FN1: variants seen among roughly 807,000 people sequenced by gnomAD.
FN1 encodes fibronectin 1.
Under a neutral mutation model 297.3 loss-of-function variants are expected in FN1, and 106 were observed. That is an observed-to-expected ratio of 0.36 (90% confidence interval 0.30 to 0.42). FN1 has a LOEUF of 0.42. FN1 is among the 10% of genes least tolerant of loss of function. The pLI, the probability that FN1 is intolerant of heterozygous loss-of-function variation, is 1.00. For missense variants in FN1, 2,690 were observed against 3,124.9 expected (o/e 0.86, Z 3.32); for synonymous variants, 1,149 against 1,152.6 (o/e 1.00, Z 0.06).
At position 215,431,866 on chromosome 2, in the gene FN1, T is replaced by C. The variant is rs187465805; in HGVS notation, c.514A>G (p.Asn172Asp). Residue 172 changes from asparagine to aspartate, a missense_variant, in exon 4 of 46, where the codon AAT becomes GAT. Transcript: ENST00000354785. The stretch of plus-strand genomic sequence containing the variant: ...TTGCAGGTCCATTCTCCTTTTCCAT[T>C]ACCAAGACACACACACTCTAACATG... ...GYMLECVCLG[N>D]GKGEWTCKPI... The C allele has an allele frequency of 9.4e-5, 152 of 1,614,182 alleles. 1 individual carries two copies. In the East Asian group the frequency reaches 3.4e-3, roughly 36 times the overall value.
At chr2:215,405,798 CAA>C (rs1241890007) in intron 19 of FN1, among the ~76,000 whole-genome samples, 1 of 151,986 alleles carries the variant, frequency 6.6e-6, no homozygotes, top group Non-Finnish European at 1.5e-5. Flanking sequence ...AAGGTCAAAA[CAA>C]AGAGTAAATA....
intron 38 of FN1, 127 bp from the exon 39 acceptor site, chr2:215,373,538 G>A (rs2056658434): frequency 1.3e-6 from 1 of 759,884 alleles, no homozygotes; most frequent in Non-Finnish European, 2.4e-6. Context: ...CCTCTTGAAG[G>A]TAAAATCGAC....
intron 3 of FN1, 53 bp from the exon 4 acceptor site, chr2:215,432,017 T>C: frequency 1.9e-6 from 3 of 1,612,948 alleles, no homozygotes; most frequent in Middle Eastern, 3.3e-4. Context: ...ATTTTTTTTT[T>C]TGGTCTCATA....
chr2:215,369,215 T>TA (rs58108373), intron 41 of FN1, among the ~76,000 whole-genome samples: 47,837 of 137,918 alleles, frequency 0.35, 8,637 homozygotes, highest in Non-Finnish European at 0.41. Flanking sequence ...ATGGAATCTT[T>TA]AAAAAAAAAA....
intron 10 of FN1, 139 bp from the exon 11 acceptor site, chr2:215,420,940 T>C: frequency 3.5e-6 from 3 of 859,662 alleles, no homozygotes; most frequent in East Asian, 2.7e-5. Flanking sequence ...TCTACAAGCA[T>C]AGAATAACAT....
intron 6 of FN1, 42 bp from the exon 7 acceptor site, chr2:215,425,327 A>T: frequency 6.3e-7 from 1 of 1,578,926 alleles, no homozygotes; most frequent in Non-Finnish European, 8.7e-7. Context: ...TGGGTGAGAG[A>T]AGACAATTCA....
In FN1 at chr2:215,372,951, T is replaced by A. The variant is rs575355267; in HGVS notation, c.6247+371A>T. 2.6e-5 allele frequency among the ~76,000 whole-genome samples: 4 copies of A among 152,118 alleles called. No individual in the cohort carries two copies. The East Asian group carries it at 7.7e-4, about 29-fold the overall frequency. The stretch of plus-strand genomic sequence containing the variant: ...TTAGCTCTAAGTTGTAGAAACCAAA[T>A]AAAGATAAATGTGAGAGGTTTCTCT... On this transcript the variant is annotated intron_variant, in intron 39 of 45. Transcript: ENST00000354785.
chr2:215,426,864 T>A (rs2065538960), intron 6 of FN1, among the ~76,000 whole-genome samples: 1 of 152,024 alleles, frequency 6.6e-6, no homozygotes, highest in South Asian at 2.1e-4. Flanking sequence ...TTTATAATTT[T>A]TTTTATTTTT....
At chr2:215,429,759 C>T (rs1391436104) in intron 5 of FN1, among the ~76,000 whole-genome samples, 1 of 152,198 alleles carries the variant, frequency 6.6e-6, no homozygotes, top group Admixed American at 6.5e-5. Flanking sequence ...TTCATATCTG[C>T]ACCCCTATAA....
At position 215,409,648 on chromosome 2, in the gene FN1, G is replaced by A; in HGVS notation, c.2214C>T (p.Val738=). ...VTEITASSFV[V]SWVSASDTVS... ...CGGTGTCGGAAGCTGAGACCCAGGAGACCACAAAGCTACTGGCTGTGATTT... is the reference window on the plus strand; with the variant it reads ...CGGTGTCGGAAGCTGAGACCCAGGAAACCACAAAGCTACTGGCTGTGATTT... Residue 738 remains valine (V), a synonymous_variant, in exon 15 of 46, where the codon GTC becomes GTT. Transcript: ENST00000354785. The A allele has an allele frequency of 6.2e-7, 1 of 1,614,032 alleles. No individual in the cohort carries two copies. The highest frequency in any genetic ancestry group is 8.5e-7 in the Non-Finnish European group (1 of 1,179,978).
In FN1 at chr2:215,385,250, A is replaced by G. The variant is rs1456932628; in HGVS notation, c.4613-274T>C. On this transcript the variant is annotated intron_variant, in intron 28 of 45. Transcript: ENST00000354785. The stretch of plus-strand genomic sequence containing the variant: ...AAATTTCAAAACTACAGAAAAGTTA[A>G]AAAAAAAAAAAAAAAAAAAAGTGAT... 1.4e-3 allele frequency among the ~76,000 whole-genome samples: 5 copies of G among 3,652 alleles called. No individual in the cohort carries two copies. The Admixed American group carries it at 0.016, about 12-fold the overall frequency. The allele number at this position is 3,652 out of a possible 152,430, so 2.4% of individuals were successfully genotyped here. A position where few individuals can be genotyped will look rare whatever the true frequency, so the allele number is the denominator to read the frequency against.
chr2:215,434,637 T>G, intron 2 of FN1, 59 bp downstream of exon 2: 2 of 1,599,974 alleles, frequency 1.3e-6, no homozygotes, highest in South Asian at 2.2e-5. Context: ...AATGCAAAGT[T>G]TAACAATTAC....
intron 15 of FN1, among the ~76,000 whole-genome samples, chr2:215,409,032 C>T (rs2062186745): frequency 6.6e-6 from 1 of 152,046 alleles, no homozygotes; most frequent in South Asian, 2.1e-4. Flanking sequence ...CAGTAAGAGT[C>T]AGGGTAGTGA....
chr2:215,369,240 A>G (rs914963612), intron 41 of FN1, among the ~76,000 whole-genome samples: 10 of 150,938 alleles, frequency 6.6e-5, no homozygotes, highest in Admixed American at 6.6e-5. Context: ...AAAATGACTT[A>G]GAAAAGCACA....
Position 215,372,226 on chromosome 2 carries a change from G to T in FN1, c.6397C>A (p.Gln2133Lys). The change falls in exon 40 of 46, where the codon CAG (glutamine) becomes AAG (lysine). Residue 2133 changes from glutamine (Q) to lysine (K), a missense_variant. Gln to Lys is a moderately conservative substitution (Grantham distance 53, BLOSUM62 1). Around this residue, in one of 3 missense-constraint regions of FN1, gnomAD observed 1,743 missense variants for 1,945.2 expected, o/e 0.90. Coordinates refer to ENST00000354785, the MANE Select transcript of FN1 (RefSeq NM_212482.4). ...ATTTGTTGCCCAACACTGGGTTGCTGACCAGAAGTGCCAGGAAGCTGAATA... is the reference window on the plus strand; with the variant it reads ...ATTTGTTGCCCAACACTGGGTTGCTTACCAGAAGTGCCAGGAAGCTGAATA... ...NGIQLPGTSG[Q>K]QPSVGQQMIF... is the part of the protein sequence containing the mutation. 1 of 1,614,194 alleles carries T rather than the reference G, an allele frequency of 6.2e-7. No homozygotes were observed. The highest frequency in any genetic ancestry group is 1.1e-5 in the South Asian group (1 of 91,078).
intron 34 of FN1, among the ~76,000 whole-genome samples, chr2:215,378,664 C>G (rs2057738157): frequency 6.6e-6 from 1 of 152,044 alleles, no homozygotes; most frequent in South Asian, 2.1e-4. Context: ...TGAAATTGGC[C>G]TTATGTTAAG....
chr2:215,384,665 T>G, intron 29 of FN1, 195 bp downstream of exon 29: 1 of 554,184 alleles, frequency 1.8e-6, no homozygotes, highest in Non-Finnish European at 3.3e-6. Context: ...AGTTGTAGTA[T>G]ATAAACAACT....
chr2:215,434,736 A>G lies in FN1; in HGVS notation c.237T>C (p.Tyr79=), dbSNP rs1000587975. 10 of 1,614,070 alleles carry G rather than the reference A, an allele frequency of 6.2e-6. No individual in the cohort carries two copies. The highest frequency in any genetic ancestry group is 7.6e-6 in the Non-Finnish European group (9 of 1,180,032). ...CGCAGTTAAAACCTCGGCTTCCTCC[A>G]TAACAAGTACAAACCAACGCATTGC... is the stretch of plus-strand genomic sequence containing the variant. The part of the protein sequence containing the change: ...YLGNALVCTC[Y]GGSRGFNCES... Residue 79 remains tyrosine (Y), a synonymous_variant, in exon 2 of 46, where the codon TAT becomes TAC. Transcript: ENST00000354785.
intron 23 of FN1, among the ~76,000 whole-genome samples, chr2:215,396,562 T>C (rs893779238): frequency 4.6e-5 from 7 of 152,174 alleles, no homozygotes; most frequent in Non-Finnish European, 8.8e-5. Flanking sequence ...ATATGTGACA[T>C]TGGGTGTGAG....
Sources: gnomAD v4.1 joint callset for allele counts (sites outside exome capture counted in the v4.1 genomes callset) on GRCh38, gnomAD v4.1.1 for gene constraint, gnomAD v4.1.1 regional missense constraint, MANE v1.5 for transcripts, NCBI Gene and HGNC (gene_info 2026-07-23, HGNC 2026-07-21) for gene names.